The following LSAMP variants were observed in gnomAD, a reference collection of about 807,000 sequenced individuals.
LSAMP encodes limbic system associated membrane protein.
A neutral mutation model predicts 38.6 loss-of-function variants in LSAMP; 7 were observed. The observed-to-expected ratio is 0.18, with a 90% CI of 0.10 to 0.34. LSAMP has a LOEUF of 0.34. Among genes scored for constraint, LSAMP ranks in the 10% least tolerant of loss-of-function variants. The pLI is 1.00. For synonymous variants in LSAMP, 154 were observed against 166.8 expected, an observed-to-expected ratio of 0.92 and a Z score of 0.59; for missense variants, 313 against 420.0, an observed-to-expected ratio of 0.75 and a Z score of 2.23.
At chr3:115,943,158 C>T (rs1173418712) in intron 3 of LSAMP, among the ~76,000 whole-genome samples, 3 of 152,160 alleles carry the variant, frequency 2.0e-5, no homozygotes, top group Middle Eastern at 3.4e-3. Flanking sequence ...AAGGTTTCAC[C>T]CTGTGGTACA....
In LSAMP at chr3:116,220,185, A is replaced by AACAC. The variant is rs3974285; in HGVS notation, c.156-133633_156-133630dup. ...GTGACAGAGTGAGACTCCATCTCAA[A>AACAC]ACACACACACACACACACACACACA... is the stretch of plus-strand genomic sequence containing the variant. On this transcript the variant is annotated intron_variant, in intron 1 of 6. Transcript: ENST00000490035. Among the ~76,000 whole-genome samples, 399 of 141,446 alleles carry AACAC rather than the reference A, an allele frequency of 2.8e-3. 2 individuals are homozygous for AACAC. The highest frequency in any genetic ancestry group is 7.3e-3 in the African/African-American group (281 of 38,502). 92.8% of individuals were successfully genotyped at this position (141,446 alleles called of 152,430 possible).
chr3:116,135,415 A>T (rs76616320), intron 1 of LSAMP, among the ~76,000 whole-genome samples: 1,915 of 152,310 alleles, frequency 0.013, 16 homozygotes, highest in South Asian at 0.029. Flanking sequence ...CAGCTCAAGT[A>T]GGTCAGATGG....
intron 6 of LSAMP, among the ~76,000 whole-genome samples, chr3:115,812,731 A>C (rs974228565): frequency 6.6e-6 from 1 of 152,244 alleles, no homozygotes; most frequent in Non-Finnish European, 1.5e-5. Context: ...CACCAGAGAT[A>C]GTGTAAAACA....
intron 3 of LSAMP, among the ~76,000 whole-genome samples, chr3:115,914,585 C>T (rs1937206573): frequency 6.6e-6 from 1 of 152,164 alleles, no homozygotes; most frequent in East Asian, 1.9e-4. Context: ...TTAACAAGTA[C>T]CGGGATAATT....
At chr3:116,399,285 G>A (rs1203716558) in intron 1 of LSAMP, among the ~76,000 whole-genome samples, 1 of 152,164 alleles carries the variant, frequency 6.6e-6, no homozygotes, top group Non-Finnish European at 1.5e-5. Context: ...CATTTAGAAA[G>A]CCATAACTAC....
chr3:116,414,365 C>A (rs957072759), intron 1 of LSAMP, among the ~76,000 whole-genome samples: 4 of 152,100 alleles, frequency 2.6e-5, no homozygotes, highest in Admixed American at 2.6e-4. Context: ...CTGTATTTTA[C>A]AGCACAATTC....
At chr3:116,346,050 T>C (rs1053951038) in intron 1 of LSAMP, among the ~76,000 whole-genome samples, 7 of 152,206 alleles carry the variant, frequency 4.6e-5, no homozygotes, top group Admixed American at 6.6e-5. Flanking sequence ...CCAGGGTATA[T>C]TCTACCAATT....
chr3:115,886,799 T>C (rs182195289), intron 3 of LSAMP, among the ~76,000 whole-genome samples: 1 of 151,990 alleles, frequency 6.6e-6, no homozygotes, highest in Admixed American at 6.6e-5. Context: ...GATATCATCT[T>C]AGGTTAACAA....
intron 3 of LSAMP, among the ~76,000 whole-genome samples, chr3:115,853,994 A>G (rs1366358287): frequency 6.6e-6 from 1 of 152,246 alleles, no homozygotes; most frequent in Middle Eastern, 3.4e-3. Flanking sequence ...TGTCAGCTAA[A>G]CCTGTTAACT....
At chr3:116,387,787 T>A (rs1349867098) in intron 1 of LSAMP, among the ~76,000 whole-genome samples, 2 of 152,086 alleles carry the variant, frequency 1.3e-5, no homozygotes, top group Non-Finnish European at 2.9e-5. Flanking sequence ...GCTATAGATT[T>A]GATGTAATTG....
chr3:115,831,914 G>T (rs912352639), intron 6 of LSAMP, among the ~76,000 whole-genome samples: 1 of 152,096 alleles, frequency 6.6e-6, no homozygotes, highest in African/African-American at 2.4e-5. Context: ...GAAAATTTCT[G>T]ATTGGACACA....
intron 1 of LSAMP, among the ~76,000 whole-genome samples, chr3:116,251,892 T>G (rs2046689037): frequency 6.6e-6 from 1 of 152,210 alleles, no homozygotes; most frequent in Admixed American, 6.5e-5. Flanking sequence ...TCCTAAAAGC[T>G]GAAAAACTCA....
At chr3:116,397,529 T>C (rs1188551012) in intron 1 of LSAMP, among the ~76,000 whole-genome samples, 1 of 152,126 alleles carries the variant, frequency 6.6e-6, no homozygotes. Context: ...CTCCCTACAC[T>C]ACAATGCAAG....
chr3:116,419,652 G>T lies in LSAMP; in HGVS notation c.155+25225C>A, dbSNP rs1165708383. ...TAAAATCCAAAACAGGTATCAATAGGGACAAGGCAGACTAATAATGGAAAC... is the reference window on the plus strand; with the variant it reads ...TAAAATCCAAAACAGGTATCAATAGTGACAAGGCAGACTAATAATGGAAAC... On this transcript the variant is annotated intron_variant, in intron 1 of 6. Transcript: ENST00000490035. Among the ~76,000 whole-genome samples, 4 of 151,968 alleles carry T rather than the reference G, an allele frequency of 2.6e-5. No individual in the cohort carries two copies. The East Asian group carries it at 5.8e-4, about 22-fold the overall frequency.
intron 1 of LSAMP, among the ~76,000 whole-genome samples, chr3:116,144,544 C>T (rs1709447394): frequency 7.2e-6 from 1 of 138,212 alleles, no homozygotes; most frequent in Non-Finnish European, 1.5e-5. Context: ...AAATAAAATA[C>T]TCTATATCAT....
chr3:115,887,345 A>T (rs922915288), intron 3 of LSAMP, among the ~76,000 whole-genome samples: 2 of 151,888 alleles, frequency 1.3e-5, no homozygotes, highest in Admixed American at 6.6e-5. Flanking sequence ...AACAGCTGTA[A>T]TTTTTATCTT....
chr3:115,877,256 T>A (rs1460126394), intron 3 of LSAMP, among the ~76,000 whole-genome samples: 1 of 146,758 alleles, frequency 6.8e-6, no homozygotes, highest in East Asian at 1.9e-4. Flanking sequence ...AGCTCCCTGT[T>A]TTTTTTTTCT....
intron 1 of LSAMP, among the ~76,000 whole-genome samples, chr3:116,256,213 G>A (rs1481029419): frequency 6.6e-6 from 1 of 152,164 alleles, no homozygotes; most frequent in Non-Finnish European, 1.5e-5. Flanking sequence ...TTAAATGTTC[G>A]ATAAAGGTTT....
chr3:115,915,167 G>A lies in LSAMP; in HGVS notation c.515-62550C>T, dbSNP rs567882610. On this transcript the variant is annotated intron_variant, in intron 3 of 6. Transcript: ENST00000490035. ...TTTGCTGCACCTTTCCATTCCCTTT[G>A]GTTTTCTTCAGTGGTGACCAAACAC... Among the ~76,000 whole-genome samples the A allele has an allele frequency of 2.0e-5, 3 of 152,232 alleles. No homozygotes were observed. The East Asian group carries it at 5.8e-4, about 29-fold the overall frequency.
Sources: gnomAD v4.1 joint callset for allele counts (sites outside exome capture counted in the v4.1 genomes callset) on GRCh38, gnomAD v4.1.1 for gene constraint, MANE v1.5 for transcripts, NCBI Gene and HGNC (gene_info 2026-07-23, HGNC 2026-07-21) for gene names.